The following NDUFAF5 variants were observed in gnomAD, a reference collection of about 807,000 sequenced individuals.
NDUFAF5 encodes the protein NADH:ubiquinone oxidoreductase complex assembly factor 5.
NDUFAF5 carries 34 observed loss-of-function variants against 48.9 expected under a neutral mutation model. The ratio of observed to expected loss-of-function variants is 0.70; its 90% CI spans 0.53 to 0.93. The LOEUF (loss-of-function observed/expected upper bound fraction) is 0.93, where lower values mean the gene tolerates loss of function less well. Among genes scored for constraint, NDUFAF5 ranks in the 40% least tolerant of loss-of-function variants. The probability of loss-of-function intolerance (pLI) is 0.00; values close to 1 mark genes in which losing one functional copy is unlikely to be tolerated. For synonymous variants in NDUFAF5, 153 were observed against 150.6 expected (o/e 1.02, Z -0.12); for missense variants, 428 against 427.5 (o/e 1.00, Z -0.01).
chr20:13,790,989 G>A (rs1018435203), intron 3 of NDUFAF5, among the ~76,000 whole-genome samples: 76 of 152,286 alleles, frequency 5.0e-4, no homozygotes, highest in African/African-American at 1.7e-3. Context: ...TACTGGATTT[G>A]CTCATTTTTG....
chr20:13,814,346 T>C (rs1458111968), intron 8 of NDUFAF5: 1 of 755,782 alleles, frequency 1.3e-6, no homozygotes, highest in Non-Finnish European at 2.0e-6. Context: ...TCTGGGATTT[T>C]ACATTTGTGG....
At chr20:13,795,592 CAG>C (rs201045337) in intron 5 of NDUFAF5, among the ~76,000 whole-genome samples, 4,547 of 152,230 alleles carry the variant, frequency 0.03, 77 homozygotes, top group African/African-American at 0.049. Context: ...GCTGCAGTAA[CAG>C]GACTGCTTGA....
chr20:13,810,286 A>G (rs1355503648), intron 8 of NDUFAF5, among the ~76,000 whole-genome samples: 1 of 152,230 alleles, frequency 6.6e-6, no homozygotes, highest in Non-Finnish European at 1.5e-5. Context: ...AAACACCAGA[A>G]AAGTGTAGAA....
In NDUFAF5 at chr20:13,798,446, A is replaced by G; in HGVS notation, c.480-15A>G. 6.3e-7 allele frequency: 1 copy of G among 1,597,242 alleles called. No individual in the cohort carries two copies. On this transcript the variant is annotated splice_polypyrimidine_tract_variant and intron_variant, in intron 5 of 10. Transcript: ENST00000378106. ...GCCAGTTAAGCTAAAACAAATCTGT[A>G]TTCTCATATTTTAGTTTGCATTGGG...
intron 3 of NDUFAF5, among the ~76,000 whole-genome samples, chr20:13,790,480 A>G (rs548829761): frequency 1.3e-5 from 2 of 152,320 alleles, no homozygotes; most frequent in South Asian, 2.1e-4. Context: ...CTGTTCAGCT[A>G]TCATCGCCCC....
chr20:13,790,889 T>G (rs1299629439), intron 3 of NDUFAF5, among the ~76,000 whole-genome samples: 1 of 152,206 alleles, frequency 6.6e-6, no homozygotes, highest in African/African-American at 2.4e-5. Context: ...TAGAAAATAG[T>G]GCCCCTGCTT....
At chr20:13,803,420 T>C (rs1366200767) in intron 7 of NDUFAF5, 1 of 152,262 alleles carries the variant, frequency 6.6e-6, no homozygotes, top group Non-Finnish European at 1.5e-5. Flanking sequence ...CAGGCAATTG[T>C]ACACTGAAGG....
rs974115088 is a variant in NDUFAF5 at position 13,785,188 on chromosome 20, G to C, written c.120G>C (p.Ser40=). 1.2e-6 allele frequency: 2 copies of C among 1,613,668 alleles called. No homozygotes were observed. The highest frequency in any genetic ancestry group is 2.7e-5 in the African/African-American group (2 of 74,928). ...GTGTCTCTCCCCGCGGTAGCACCTC[G>C]CCCAGAACCCTGAATATTTTCGACC... ...TSGVSPRGST[S]PRTLNIFDRD... The change falls in exon 1 of 11, where the codon TCG becomes TCC. Residue 40 remains serine (S), a synonymous_variant. Coordinates refer to ENST00000378106, the MANE Select transcript of NDUFAF5 (RefSeq NM_024120.5).
chr20:13,817,164 T>G lies in NDUFAF5; in HGVS notation c.992T>G (p.Leu331Arg), dbSNP rs1477308001. 5.0e-6 allele frequency: 8 copies of G among 1,613,832 alleles called. No individual in the cohort carries two copies. ...TCCGCAACTGTGTCATTTGGAGAGC[T>G]AGGAAAAATAAACAACCTTATGCCA... is the stretch of plus-strand genomic sequence containing the variant. ...RGSATVSFGE[L>R]GKINNLMPPG... The change falls in exon 11 of 11, where the codon CTA (leucine) becomes CGA (arginine). Residue 331 changes from leucine to arginine, a missense_variant. Leu to Arg is a moderately radical substitution (Grantham distance 102). Coordinates refer to ENST00000378106, the MANE Select transcript of NDUFAF5 (RefSeq NM_024120.5).
At chr20:13,787,109 A>G in intron 1 of NDUFAF5, 1 of 621,258 alleles carries the variant, frequency 1.6e-6, no homozygotes, top group South Asian at 1.8e-5. Flanking sequence ...AAGAATATTT[A>G]GTCTGGATTT....
At position 13,785,308 on chromosome 20, in the gene NDUFAF5, C is replaced by CGGGGCGGCGGGGCGGCG; in HGVS notation, c.222+33_222+34insCGGGGGCGGCGGGGCGG. The CGGGGCGGCGGGGCGGCG allele has an allele frequency of 6.4e-7, 1 of 1,570,396 alleles. No individual in the cohort carries two copies. Among genetic ancestry groups the CGGGGCGGCGGGGCGGCG allele is most frequent in the Non-Finnish European group, 8.7e-7 (1 of 1,151,918 alleles). ...AGGAGGAGGTGAGCCCGCGGGGCGG[C>CGGGGCGGCGGGGCGGCG]GGGGCGGCGGGGCGGGCGACGCGGA... On this transcript the variant is annotated intron_variant, in intron 1 of 10. Transcript: ENST00000378106.
chr20:13,804,126 A>T (rs1048619907), intron 7 of NDUFAF5, among the ~76,000 whole-genome samples: 1 of 152,174 alleles, frequency 6.6e-6, no homozygotes, highest in African/African-American at 2.4e-5. Context: ...GAAGAATGAC[A>T]TTGCTTCACA....
intron 7 of NDUFAF5, chr20:13,803,315 A>G (rs1286576226): frequency 1.3e-5 from 2 of 152,354 alleles, no homozygotes; most frequent in Admixed American, 6.5e-5. Context: ...GCCTGAGTCC[A>G]TAGAAACTGC....
chr20:13,818,581 G>GAACTC lies in NDUFAF5; in HGVS notation c.*1371_*1372insAACTC. 2 of 258,646 alleles carry GAACTC rather than the reference G, an allele frequency of 7.7e-6. No individual in the cohort carries two copies. The highest frequency in any genetic ancestry group is 8.5e-5 in the South Asian group (2 of 23,560). 16.0% of individuals were successfully genotyped at this position (258,646 alleles called of 1,614,324 possible). A position where few individuals can be genotyped will look rare whatever the true frequency, so the allele number is the denominator to read the frequency against. ...AGGCTGAGGCAGGCAGGAGTTCAAG[G>GAACTC]CTGCAGTGAGCTGTCTGTGCCACGG... is the stretch of plus-strand genomic sequence containing the variant. On this transcript the variant is annotated 3_prime_UTR_variant, in exon 11 of 11. Coordinates refer to ENST00000378106, the MANE Select transcript of NDUFAF5 (RefSeq NM_024120.5).
intron 7 of NDUFAF5, among the ~76,000 whole-genome samples, chr20:13,802,791 C>G (rs1984408412): frequency 6.6e-6 from 1 of 152,116 alleles, no homozygotes; most frequent in South Asian, 2.1e-4. Flanking sequence ...TCCTCTTTCC[C>G]CATCACTCTA....
At chr20:13,791,203 A>G (rs577558243) in intron 3 of NDUFAF5, among the ~76,000 whole-genome samples, 1 of 152,298 alleles carries the variant, frequency 6.6e-6, no homozygotes, top group South Asian at 2.1e-4. Flanking sequence ...GCTGGCAGGT[A>G]GTTGGAAATG....
At chr20:13,796,721 A>AT (rs1185749248) in intron 5 of NDUFAF5, among the ~76,000 whole-genome samples, 1 of 152,152 alleles carries the variant, frequency 6.6e-6, no homozygotes, top group Non-Finnish European at 1.5e-5. Flanking sequence ...GCTCACGCCT[A>AT]TAATCCCAGC....
Position 13,817,318 on chromosome 20 carries a change from A to G in NDUFAF5, c.*108A>G. ...AAGAAGCACTCTAAGCTATTTACTA[A>G]TAGGCTTTTCATATAATTAGGAAAA... On this transcript the variant is annotated 3_prime_UTR_variant, in exon 11 of 11. Coordinates refer to ENST00000378106, the MANE Select transcript of NDUFAF5 (RefSeq NM_024120.5). 1.1e-6 allele frequency: 1 copy of G among 883,190 alleles called. No individual in the cohort carries two copies. The highest frequency in any genetic ancestry group is 2.4e-5 in the East Asian group (1 of 41,116). 54.7% of individuals were successfully genotyped at this position (883,190 alleles called of 1,614,324 possible).
intron 3 of NDUFAF5, among the ~76,000 whole-genome samples, chr20:13,791,374 G>A (rs1329186001): frequency 6.6e-6 from 1 of 152,190 alleles, no homozygotes; most frequent in African/African-American, 2.4e-5. Context: ...ATCTCAAAAG[G>A]TTGGTAAGGG....
Sources: allele counts gnomAD v4.1 joint callset (sites outside exome capture counted in the v4.1 genomes callset), GRCh38; gene constraint gnomAD v4.1.1; transcripts MANE v1.5; gene names NCBI Gene and HGNC (gene_info 2026-07-23, HGNC 2026-07-21).